PRL: variants seen among roughly 807,000 people sequenced by gnomAD.
The protein encoded by PRL is prolactin.
A neutral mutation model predicts 21.3 loss-of-function variants in PRL; 24 were observed. The observed-to-expected ratio is 1.13, with a 90% CI of 0.82 to 1.59. The LOEUF (loss-of-function observed/expected upper bound fraction) is 1.59. PRL is among the 40% of genes most tolerant of loss of function. PRL has a pLI of 0.00. For missense variants in PRL, 243 were observed against 286.9 expected, an observed-to-expected ratio of 0.85 and a Z score of 1.10; for synonymous variants, 118 against 115.7, an observed-to-expected ratio of 1.02 and a Z score of -0.13.
rs182884153 is a variant in PRL at position 22,289,269 on chromosome 6, A to G, written c.492+905T>C. 3.7e-3 allele frequency among the ~76,000 whole-genome samples: 565 copies of G among 152,330 alleles called. 10 individuals carry two copies. The highest frequency in any genetic ancestry group is 0.029 in the Admixed American group (445 of 15,292). Reference sequence around the variant, plus strand: ...ATGAAAATAACCAAAATGATACATGATAACATGTACTTAGTACACAAAAAG... The same window carrying G: ...ATGAAAATAACCAAAATGATACATGGTAACATGTACTTAGTACACAAAAAG... On this transcript the variant is annotated intron_variant, in intron 4 of 4. Coordinates refer to ENST00000306482, the MANE Select transcript of PRL (RefSeq NM_000948.6).
intron 4 of PRL, among the ~76,000 whole-genome samples, chr6:22,289,014 C>T (rs956277941): frequency 2.6e-5 from 4 of 151,806 alleles, no homozygotes; most frequent in African/African-American, 9.7e-5. Flanking sequence ...ATTTTTGGTA[C>T]TTGAGCCCTA....
upstream of PRL, among the ~76,000 whole-genome samples, chr6:22,300,843 C>G (rs531469707): frequency 1.3e-5 from 2 of 152,300 alleles, no homozygotes; most frequent in African/African-American, 4.8e-5. Flanking sequence ...TACTGCTATA[C>G]TATTCATATC....
At chr6:22,302,169 A>T (rs1277108644), upstream of PRL, among the ~76,000 whole-genome samples, 6 of 152,206 alleles carry the variant, frequency 3.9e-5, no homozygotes, top group Non-Finnish European at 7.4e-5. Flanking sequence ...ATTTTTTATC[A>T]GTTACGATTT....
chr6:22,292,043 G>A (rs1761061502), intron 3 of PRL, among the ~76,000 whole-genome samples: 1 of 152,164 alleles, frequency 6.6e-6, no homozygotes, highest in Admixed American at 6.5e-5. Context: ...AGTGAAGAAT[G>A]AAAAAGTGGG....
At chr6:22,291,055 A>G (rs974332913) in intron 3 of PRL, 2 of 152,202 alleles carry the variant, frequency 1.3e-5, no homozygotes, top group African/African-American at 4.8e-5. Context: ...CTGCCTGCCT[A>G]GGTTTTGCTT....
At chr6:22,297,398 G>A (rs1761201676), upstream of PRL, 1 of 168,566 alleles carries the variant, frequency 5.9e-6, no homozygotes, top group Non-Finnish European at 1.3e-5. Context: ...TTTCACTTAG[G>A]TAACAATCTC....
Position 22,296,989 on chromosome 6 carries a change from G to T in PRL, c.-7C>A, listed in dbSNP as rs377744881. The T allele has an allele frequency of 5.6e-6, 9 of 1,613,828 alleles. No homozygotes were observed. The South Asian group carries it at 6.6e-5, about 12-fold the overall frequency. On this transcript the variant is annotated 5_prime_UTR_variant, in exon 1 of 5. Transcript: ENST00000306482. ...GCGATCCTTTGATGTTCATGTTCGT[G>T]ATCGTTGCAGGAAACACACTTCACC...
At chr6:22,291,650 C>T (rs1166587561) in intron 3 of PRL, among the ~76,000 whole-genome samples, 1 of 151,866 alleles carries the variant, frequency 6.6e-6, no homozygotes, top group Non-Finnish European at 1.5e-5. Context: ...TTTCCTCTTC[C>T]TCCTCCTTCT....
intron 2 of PRL, 91 bp downstream of exon 2, chr6:22,294,318 G>A: frequency 4.1e-6 from 6 of 1,455,828 alleles, no homozygotes; most frequent in Non-Finnish European, 5.8e-6. Flanking sequence ...TTGAAATTTG[G>A]CTCGGGAGGT....
rs1761192309 is a variant in PRL, at chr6:22,296,956, T to G, written c.27A>C (p.Lys9Asn). The change falls in exon 1 of 5, where the codon AAA (lysine) becomes AAC (asparagine). Residue 9 changes from lysine to asparagine, a missense_variant and splice_region_variant. Lys to Asn is a moderately conservative substitution (Grantham distance 94, BLOSUM62 0). Transcript: ENST00000306482. ...AACGCAGTGAGTTGTCACACATACC[T>G]TTCCATGGCGATCCTTTGATGTTCA... MNIKGSPW[K>N]GSLLLLLVSN... The G allele has an allele frequency of 1.2e-6, 2 of 1,613,886 alleles. No homozygotes were observed. The highest frequency in any genetic ancestry group is 1.7e-6 in the Non-Finnish European group (2 of 1,179,936).
chr6:22,292,759 C>T, intron 2 of PRL, 114 bp from the exon 3 acceptor site: 1 of 797,580 alleles, frequency 1.3e-6, no homozygotes, highest in Non-Finnish European at 1.9e-6. Flanking sequence ...AAAATTAGAG[C>T]TACATAAAAA....
rs754891440 is a variant in PRL at position 22,288,939 on chromosome 6, T to C, written c.492+1235A>G. Among the ~76,000 whole-genome samples the C allele has an allele frequency of 1.3e-4, 20 of 151,862 alleles. No homozygotes were observed. Among genetic ancestry groups the C allele is most frequent in the Non-Finnish European group, 2.8e-4 (19 of 67,952 alleles). ...GTGTGCGTGCGCGTGTGTGTGCATG[T>C]GTGTGTGCGTGCGCGTGTGTGTGCG... On this transcript the variant is annotated intron_variant, in intron 4 of 4. Transcript: ENST00000306482. The surrounding 1 kb of genome is among the most constrained non-coding windows in gnomAD (Gnocchi z 4.5).
intron 4 of PRL, among the ~76,000 whole-genome samples, 198 bp from the exon 5 acceptor site, chr6:22,287,791 G>A (rs1005033719): frequency 6.6e-6 from 1 of 152,216 alleles, no homozygotes; most frequent in African/African-American, 2.4e-5. Context: ...TACCTGTTTA[G>A]GTTCTCTGAC....
chr6:22,287,672 T>A, intron 4 of PRL, 79 bp from the exon 5 acceptor site: 1 of 1,270,066 alleles, frequency 7.9e-7, no homozygotes, highest in Non-Finnish European at 1.1e-6. Context: ...ACTGTTGAAT[T>A]AAGAATTGAG....
chr6:22,294,755 G>C (rs985325523), intron 1 of PRL, among the ~76,000 whole-genome samples, 171 bp from the exon 2 acceptor site: 1 of 152,246 alleles, frequency 6.6e-6, no homozygotes, highest in Non-Finnish European at 1.5e-5. Flanking sequence ...TGTAAATGTA[G>C]ATATATAATT....
chr6:22,296,853 A>G (rs761824928), intron 1 of PRL, 102 bp downstream of exon 1: 21 of 1,300,716 alleles, frequency 1.6e-5, no homozygotes, highest in Non-Finnish European at 2.1e-5. Context: ...GTGCTTCTAA[A>G]CCTTGTAAAC....
intron 1 of PRL, among the ~76,000 whole-genome samples, chr6:22,296,531 T>C (rs960588352): frequency 3.9e-5 from 6 of 152,228 alleles, no homozygotes; most frequent in African/African-American, 1.2e-4. Flanking sequence ...TTGTGGCAAA[T>C]TGGACCCACA....
At chr6:22,294,647 A>C in intron 1 of PRL, 63 bp from the exon 2 acceptor site, 1 of 1,464,268 alleles carries the variant, frequency 6.8e-7, no homozygotes, top group Non-Finnish European at 9.1e-7. Flanking sequence ...TTCAGAAGTA[A>C]TCCTGCCGAG....
At chr6:22,295,781 CA>C (rs1761162238) in intron 1 of PRL, among the ~76,000 whole-genome samples, 1 of 152,140 alleles carries the variant, frequency 6.6e-6, no homozygotes, top group African/African-American at 2.4e-5. Context: ...GTGTTTATCA[CA>C]AAACTTAAGT....
Sources: allele counts gnomAD v4.1 joint callset (sites outside exome capture counted in the v4.1 genomes callset), GRCh38; gene constraint gnomAD v4.1.1; non-coding constraint Gnocchi (gnomAD v3.1); transcripts MANE v1.5; gene names NCBI Gene and HGNC (gene_info 2026-07-23, HGNC 2026-07-21).